Variants in ERICH6 observed in about 807,000 individuals in gnomAD.
The protein encoded by ERICH6 is glutamate-rich protein 6.
ERICH6 carries 71 observed loss-of-function variants against 71.0 expected under a neutral mutation model. The observed-to-expected ratio is 1.00, with a 90% CI of 0.83 to 1.22. ERICH6 has a LOEUF of 1.22. ERICH6 is among the 50% of genes most tolerant of loss of function. ERICH6 has a pLI of 0.00. For synonymous variants in ERICH6, 262 were observed against 278.4 expected, an observed-to-expected ratio of 0.94 and a Z score of 0.59; for missense variants, 808 against 797.2, an observed-to-expected ratio of 1.01 and a Z score of -0.16.
intron 11 of ERICH6, 114 bp from the exon 12 acceptor site, chr3:150,669,565 T>A: frequency 8.7e-7 from 1 of 1,143,724 alleles, no homozygotes. Flanking sequence ...AAATGGGAGG[T>A]ACTATATTAA....
chr3:150,686,154 T>C (rs931149609), intron 4 of ERICH6, 133 bp from the exon 5 acceptor site: 1 of 1,197,604 alleles, frequency 8.4e-7, no homozygotes, highest in Non-Finnish European at 1.2e-6. Flanking sequence ...GATGCCCTGA[T>C]CCCTGACGTT....
intron 6 of ERICH6, among the ~76,000 whole-genome samples, chr3:150,684,623 G>A (rs1376663075): frequency 1.3e-5 from 2 of 152,188 alleles, no homozygotes; most frequent in Admixed American, 6.5e-5. Flanking sequence ...CATTCCACCA[G>A]TCAGTCCCTC....
Position 150,659,958 on chromosome 3 carries a change from A to T in ERICH6, c.1926T>A (p.Cys642Ter). 6.2e-7 allele frequency: 1 copy of T among 1,614,044 alleles called. No homozygotes were observed. Among genetic ancestry groups the T allele is most frequent in the Non-Finnish European group, 8.5e-7 (1 of 1,179,900 alleles). Residue 642 changes from cysteine (C) to a stop codon, truncating the protein, a stop_gained, in exon 14 of 14, where the codon TGT (cysteine) becomes TGA (stop). Transcript: ENST00000295910. LOFTEE classifies it low-confidence loss of function (END_TRUNC). ...TATCTTGCTTTATACCAGAACTGTG[A>T]CAAAGGGCAATTAGTTTTAGAGAAA... ...SSLSLKLIAL[C>*]HSSGIKQDIM...
intron 1 of ERICH6, among the ~76,000 whole-genome samples, chr3:150,702,823 T>TG (rs1252022344): frequency 3.4e-5 from 5 of 148,854 alleles, no homozygotes; most frequent in Non-Finnish European, 6.0e-5. Context: ...AGAGAGTTGT[T>TG]TTTTTTTTTT....
intron 13 of ERICH6, among the ~76,000 whole-genome samples, chr3:150,660,400 A>G (rs544580287): frequency 1.1e-4 from 16 of 152,278 alleles, no homozygotes; most frequent in African/African-American, 3.9e-4. Flanking sequence ...TATTCAAGTA[A>G]TTTAACCAGC....
At chr3:150,671,378 GA>G (rs2108046329) in intron 11 of ERICH6, among the ~76,000 whole-genome samples, 1 of 152,254 alleles carries the variant, frequency 6.6e-6, no homozygotes, top group South Asian at 2.1e-4. Flanking sequence ...ATGAGGATCT[GA>G]AAAGCTCAAA....
intron 1 of ERICH6, 92 bp from the exon 2 acceptor site, chr3:150,702,270 C>CTTTTTT (rs63679260): frequency 2.7e-4 from 44 of 163,894 alleles, no homozygotes; most frequent in Admixed American, 5.1e-4. Flanking sequence ...TGTCTGGAGA[C>CTTTTTT]TTTTTTTTTT....
intron 3 of ERICH6, among the ~76,000 whole-genome samples, chr3:150,686,910 C>T (rs1260511601): frequency 1.3e-5 from 2 of 152,204 alleles, no homozygotes; most frequent in Non-Finnish European, 2.9e-5. Flanking sequence ...GTGGCTCACA[C>T]CTGTATTCCC....
rs116215883 is a variant in ERICH6, at chr3:150,692,257, T to C, written c.554-5903A>G. The stretch of plus-strand genomic sequence containing the variant: ...AACAAATTTAATTGGCTTCATGCTG[T>C]ATTTATTAGGGCTTATAATTTGGGA... On this transcript the variant is annotated intron_variant, in intron 3 of 13. Coordinates refer to ENST00000295910, the MANE Select transcript of ERICH6 (RefSeq NM_152394.5). Among the ~76,000 whole-genome samples the C allele has an allele frequency of 6.0e-3, 908 of 152,292 alleles. 2 individuals are homozygous for C. The highest frequency in any genetic ancestry group is 0.01 in the Middle Eastern group (3 of 294).
At chr3:150,674,623 C>T (rs1197475349) in intron 10 of ERICH6, among the ~76,000 whole-genome samples, 5 of 152,086 alleles carry the variant, frequency 3.3e-5, no homozygotes, top group African/African-American at 1.2e-4. Flanking sequence ...CTTCCCTTCC[C>T]CCAATACACA....
chr3:150,681,407 G>A (rs73152546), intron 7 of ERICH6, among the ~76,000 whole-genome samples: 14,582 of 152,154 alleles, frequency 0.096, 939 homozygotes, highest in Non-Finnish European at 0.14. Flanking sequence ...ATAATAGTTC[G>A]TGGTATGGAT....
chr3:150,687,002 C>T (rs1337695871), intron 3 of ERICH6, among the ~76,000 whole-genome samples: 2 of 152,176 alleles, frequency 1.3e-5, no homozygotes, highest in African/African-American at 4.8e-5. Flanking sequence ...AAAACCCTGT[C>T]TCTACTAAAA....
At chr3:150,684,009 G>A (rs1712078260) in intron 6 of ERICH6, among the ~76,000 whole-genome samples, 1 of 152,212 alleles carries the variant, frequency 6.6e-6, no homozygotes, top group South Asian at 2.1e-4. Flanking sequence ...ATCTCTGGGT[G>A]TTGCGGGAGG....
At chr3:150,680,595 G>A in intron 8 of ERICH6, 57 bp from the exon 9 acceptor site, 1 of 1,599,330 alleles carries the variant, frequency 6.3e-7, no homozygotes, top group Non-Finnish European at 8.6e-7. Flanking sequence ...GCTTAAAACA[G>A]TCTACTACAA....
In ERICH6 at chr3:150,660,261, A is replaced by G. The variant is rs1009731169; in HGVS notation, c.1729-106T>C. On this transcript the variant is annotated intron_variant, in intron 13 of 13. Coordinates refer to ENST00000295910, the MANE Select transcript of ERICH6 (RefSeq NM_152394.5). ...TTATGTGGGGTTGGATTCCCTGATG[A>G]GGGTCCACTCTAATTCATCCGTAAG... 9.7e-5 allele frequency: 124 copies of G among 1,278,922 alleles called. No homozygotes were observed. In the African/African-American group the frequency reaches 1.7e-3, roughly 17 times the overall value. 79.2% of individuals were successfully genotyped at this position (1,278,922 alleles called of 1,614,324 possible).
intron 13 of ERICH6, among the ~76,000 whole-genome samples, 188 bp downstream of exon 13, chr3:150,666,599 G>A (rs577971790): frequency 6.6e-6 from 1 of 152,328 alleles, no homozygotes; most frequent in Admixed American, 6.5e-5. Flanking sequence ...GAATTTCAGA[G>A]TAAGAAACAG....
At chr3:150,696,608 G>A (rs1322952615) in intron 3 of ERICH6, among the ~76,000 whole-genome samples, 1 of 152,048 alleles carries the variant, frequency 6.6e-6, no homozygotes, top group African/African-American at 2.4e-5. Context: ...ATGGAAAAAT[G>A]GGAAAAAGAT....
chr3:150,686,485 T>C, intron 3 of ERICH6, 131 bp from the exon 4 acceptor site: 1 of 748,052 alleles, frequency 1.3e-6, no homozygotes. Flanking sequence ...TTTTGTCTCT[T>C]TTTCCAAATA....
intron 4 of ERICH6, 130 bp from the exon 5 acceptor site, chr3:150,686,151 T>C: frequency 1.7e-6 from 2 of 1,198,696 alleles, no homozygotes; most frequent in Non-Finnish European, 2.5e-6. Flanking sequence ...TCAGATGCCC[T>C]GATCCCTGAC....
Sources: gnomAD v4.1 joint callset for allele counts (sites outside exome capture counted in the v4.1 genomes callset) on GRCh38, gnomAD v4.1.1 for gene constraint, MANE v1.5 for transcripts, NCBI Gene and HGNC (gene_info 2026-07-23, HGNC 2026-07-21) for gene names.